The following AGMO variants were observed in gnomAD, a reference collection of about 807,000 sequenced individuals.
AGMO encodes glyceryl-ether monooxygenase.
AGMO carries 75 observed loss-of-function variants against 60.2 expected under a neutral mutation model. The observed-to-expected ratio is 1.25, with a 90% CI of 1.03 to 1.51. The LOEUF (loss-of-function observed/expected upper bound fraction) is 1.51. AGMO is among the 40% of genes most tolerant of loss of function. The probability of loss-of-function intolerance (pLI) is 0.00; values close to 1 mark genes in which losing one functional copy is unlikely to be tolerated. For missense variants in AGMO, 763 were observed against 525.5 expected (o/e 1.45, Z -4.42); for synonymous variants, 261 against 177.1 (o/e 1.47, Z -3.76).
chr7:15,320,744 T>C (rs1026648335), intron 12 of AGMO, among the ~76,000 whole-genome samples: 40 of 152,256 alleles, frequency 2.6e-4, no homozygotes, highest in Admixed American at 1.3e-3. Flanking sequence ...CCTTAATAAA[T>C]GGATGCATAC....
At chr7:15,400,338 C>T (rs935925384) in intron 5 of AGMO, among the ~76,000 whole-genome samples, 1 of 152,172 alleles carries the variant, frequency 6.6e-6, no homozygotes, top group Non-Finnish European at 1.5e-5. Context: ...AAAAGTGCTA[C>T]TGGCATCTAG....
chr7:15,415,679 A>G (rs1431649591), intron 5 of AGMO, among the ~76,000 whole-genome samples: 1 of 152,230 alleles, frequency 6.6e-6, no homozygotes, highest in African/African-American at 2.4e-5. Context: ...AAGATAAAAC[A>G]AAGGTAATAG....
At chr7:15,121,006 T>C in the AGMO span, among the ~76,000 whole-genome samples, 3 of 152,082 alleles carry the variant, frequency 2.0e-5, no homozygotes, top group Non-Finnish European at 4.4e-5. Context: ...CCGTGTGTGA[T>C]GTTCCCCTCC....
At chr7:15,147,698 G>A in the AGMO span, among the ~76,000 whole-genome samples, 5 of 152,188 alleles carry the variant, frequency 3.3e-5, no homozygotes, top group South Asian at 1.0e-3. Flanking sequence ...CATTTTGGGT[G>A]GCTGTGTGAC....
intron 12 of AGMO, among the ~76,000 whole-genome samples, chr7:15,323,296 TTAAC>T (rs1224987459): frequency 1.3e-5 from 2 of 152,156 alleles, no homozygotes; most frequent in Non-Finnish European, 2.9e-5. Flanking sequence ...TTCTGACTGT[TTAAC>T]TTTTTGTTTG....
intron 12 of AGMO, among the ~76,000 whole-genome samples, chr7:15,294,231 A>C (rs1015855210): frequency 9.9e-5 from 15 of 151,532 alleles, no homozygotes; most frequent in African/African-American, 3.2e-4. Flanking sequence ...TTTTTTTCTA[A>C]AGATATTATC....
At chr7:15,324,112 A>G (rs906858902) in intron 12 of AGMO, among the ~76,000 whole-genome samples, 5 of 152,190 alleles carry the variant, frequency 3.3e-5, no homozygotes, top group African/African-American at 4.8e-5. Flanking sequence ...CTTTAAGCCA[A>G]TGTTTCCATC....
intron 3 of AGMO, among the ~76,000 whole-genome samples, chr7:15,480,575 G>A (rs1367737480): frequency 1.3e-5 from 2 of 152,172 alleles, no homozygotes; most frequent in Middle Eastern, 3.4e-3. Flanking sequence ...GATGTTGCCT[G>A]GAATTCTCCT....
At chr7:15,321,725 GA>G (rs1317058025) in intron 12 of AGMO, among the ~76,000 whole-genome samples, 4 of 151,816 alleles carry the variant, frequency 2.6e-5, no homozygotes, top group South Asian at 4.1e-4. Flanking sequence ...AAAAAAGAAA[GA>G]AAAAAAGAGT....
At chr7:15,154,795 G>T in the AGMO span, among the ~76,000 whole-genome samples, 1 of 152,036 alleles carries the variant, frequency 6.6e-6, no homozygotes, top group Non-Finnish European at 1.5e-5. Flanking sequence ...CAGGTCTGGT[G>T]GTAACAAATT....
intron 5 of AGMO, among the ~76,000 whole-genome samples, chr7:15,395,614 G>GA (rs1206645625): frequency 2.2e-4 from 34 of 151,876 alleles, no homozygotes; most frequent in African/African-American, 4.1e-4. Flanking sequence ...AAAAAACAAA[G>GA]AAAAAAGGAC....
intron 10 of AGMO, among the ~76,000 whole-genome samples, chr7:15,369,825 T>C (rs1438378090): frequency 6.6e-6 from 1 of 152,228 alleles, no homozygotes; most frequent in Non-Finnish European, 1.5e-5. Context: ...AAAATGTTTA[T>C]ATTTGTTTTA....
intron 12 of AGMO, among the ~76,000 whole-genome samples, chr7:15,256,404 G>C (rs188685908): frequency 5.7e-4 from 86 of 152,118 alleles, no homozygotes; most frequent in African/African-American, 2.0e-3. Flanking sequence ...GTACGGTGGC[G>C]CAATCTCGGC....
chr7:15,155,949 G>A, the AGMO span, among the ~76,000 whole-genome samples: 2 of 152,204 alleles, frequency 1.3e-5, no homozygotes, highest in Non-Finnish European at 2.9e-5. Context: ...ACCCTGAGGA[G>A]TTGTAACCAG....
the AGMO span, among the ~76,000 whole-genome samples, chr7:15,170,356 T>C: frequency 7.9e-6 from 1 of 127,240 alleles, no homozygotes. Flanking sequence ...GAGACAGAAA[T>C]TTTGTAGTTG....
intron 12 of AGMO, among the ~76,000 whole-genome samples, chr7:15,267,769 A>C (rs547436992): frequency 6.6e-6 from 1 of 151,978 alleles, no homozygotes; most frequent in Non-Finnish European, 1.5e-5. Context: ...GAAGGGAAAA[A>C]CTTGTAACAA....
chr7:15,149,792 T>G, the AGMO span, among the ~76,000 whole-genome samples: 1 of 152,100 alleles, frequency 6.6e-6, no homozygotes, highest in Non-Finnish European at 1.5e-5. Context: ...CTTTGGCTAT[T>G]TGGGCTCTTC....
the AGMO span, among the ~76,000 whole-genome samples, chr7:15,175,196 T>A: frequency 6.6e-6 from 1 of 151,960 alleles, no homozygotes; most frequent in Non-Finnish European, 1.5e-5. Flanking sequence ...TTTAATTAGC[T>A]TTTATTTGCC....
chr7:15,180,506 C>G, the AGMO span, among the ~76,000 whole-genome samples: 2 of 151,960 alleles, frequency 1.3e-5, no homozygotes, highest in Non-Finnish European at 2.9e-5. Context: ...GAGACCTCAC[C>G]AGAACGCCTT....
Sources: allele counts gnomAD v4.1 joint callset (sites outside exome capture counted in the v4.1 genomes callset), GRCh38; gene constraint gnomAD v4.1.1; transcripts MANE v1.5; gene names NCBI Gene and HGNC (gene_info 2026-07-23, HGNC 2026-07-21).